Variants in GPC3 observed in about 807,000 individuals in gnomAD.
GPC3 encodes the protein glypican-3.
GPC3 carries 3 observed loss-of-function variants against 34.4 expected under a neutral mutation model. That is an observed-to-expected ratio of 0.09 (90% CI 0.04 to 0.23). The LOEUF is 0.23. Among genes scored for constraint, GPC3 ranks in the 10% least tolerant of loss-of-function variants. The pLI is 1.00. For synonymous variants in GPC3, 177 were observed against 174.0 expected (o/e 1.02, Z -0.13); for missense variants, 351 against 445.6 (o/e 0.79, Z 1.91).
chrX:133,872,325 G>C (rs1055161547), intron 2 of GPC3, among the ~76,000 whole-genome samples: 1 of 111,226 alleles, frequency 9.0e-6, no homozygotes, highest in African/African-American at 3.3e-5. Flanking sequence ...TCTTGTAGAA[G>C]AAAGCTGGTT....
chrX:133,880,062 C>T (rs2076034989), intron 2 of GPC3, among the ~76,000 whole-genome samples: 1 of 111,322 alleles, frequency 9.0e-6, no homozygotes. Context: ...TCTTGTATCC[C>T]AATGTTTATG....
chrX:133,554,881 A>G (rs1016741116), intron 7 of GPC3, among the ~76,000 whole-genome samples: 3 of 111,350 alleles, frequency 2.7e-5, no homozygotes, highest in Non-Finnish European at 5.6e-5. Context: ...TAGAAGTAAA[A>G]ATTGCCTTGC....
At chrX:133,937,695 T>C (rs190175630) in intron 2 of GPC3, among the ~76,000 whole-genome samples, 16 of 112,116 alleles carry the variant, frequency 1.4e-4, no homozygotes, top group African/African-American at 4.8e-4. Flanking sequence ...TTATCAGAAC[T>C]TAGTAACTTC....
chrX:133,908,610 C>A (rs1471007560), intron 2 of GPC3, among the ~76,000 whole-genome samples: 1 of 111,875 alleles, frequency 8.9e-6, no homozygotes, highest in African/African-American at 3.2e-5. Flanking sequence ...TGGTCACTAT[C>A]TTCTGGATAC....
intron 3 of GPC3, among the ~76,000 whole-genome samples, chrX:133,708,504 T>C (rs2071236694): frequency 9.0e-6 from 1 of 111,585 alleles, no homozygotes; most frequent in Non-Finnish European, 1.9e-5. Flanking sequence ...TTTTTGTATA[T>C]TGTGTGATGT....
chrX:133,592,647 T>C (rs907000645), intron 7 of GPC3, among the ~76,000 whole-genome samples: 2 of 111,297 alleles, frequency 1.8e-5, no homozygotes, highest in Non-Finnish European at 3.8e-5. Context: ...CTGGCAGAAT[T>C]CATTTTAGTA....
chrX:133,817,301 C>T (rs749948022), intron 2 of GPC3, among the ~76,000 whole-genome samples: 1 of 111,921 alleles, frequency 8.9e-6, no homozygotes, highest in East Asian at 2.8e-4. Context: ...AGCATCCTTG[C>T]TTGCTAACCC....
At chrX:133,543,265 C>T (rs183624531) in intron 7 of GPC3, among the ~76,000 whole-genome samples, 5 of 111,189 alleles carry the variant, frequency 4.5e-5, no homozygotes, top group Admixed American at 9.6e-5. Flanking sequence ...ATTACAAATA[C>T]ATACCACCAC....
At chrX:133,932,619 C>A (rs1481683368) in intron 2 of GPC3, among the ~76,000 whole-genome samples, 1 of 111,668 alleles carries the variant, frequency 9.0e-6, no homozygotes, top group Non-Finnish European at 1.9e-5. Context: ...TTTGTTCAGA[C>A]TGGGATTTTT....
chrX:133,774,980 A>G (rs770823255), intron 2 of GPC3, among the ~76,000 whole-genome samples: 5 of 111,750 alleles, frequency 4.5e-5, no homozygotes, highest in Middle Eastern at 4.6e-3. Context: ...CATGACTGAC[A>G]GCCCATGGCT....
chrX:133,597,215 G>A (rs1430212206), intron 6 of GPC3, among the ~76,000 whole-genome samples: 1 of 111,620 alleles, frequency 9.0e-6, no homozygotes, highest in African/African-American at 3.3e-5. Context: ...TGCACACTAA[G>A]AGACATGTTT....
chrX:133,705,911 C>T (rs2071211952), intron 3 of GPC3, among the ~76,000 whole-genome samples: 1 of 112,183 alleles, frequency 8.9e-6, no homozygotes, highest in African/African-American at 3.2e-5. Context: ...AGTAACCATA[C>T]GAAAGCACTG....
chrX:133,834,349 G>A (rs967499931), intron 2 of GPC3, among the ~76,000 whole-genome samples: 2 of 111,853 alleles, frequency 1.8e-5, no homozygotes, highest in East Asian at 2.8e-4. Flanking sequence ...GCAGATTCAC[G>A]TAAGGTGCTC....
intron 7 of GPC3, among the ~76,000 whole-genome samples, chrX:133,595,563 C>A (rs1255467108): frequency 1.8e-5 from 2 of 111,261 alleles, no homozygotes; most frequent in Non-Finnish European, 3.8e-5. Flanking sequence ...CAGACTCTGG[C>A]TCTGTCTCCC....
At chrX:133,667,852 C>T (rs1456296771) in intron 5 of GPC3, among the ~76,000 whole-genome samples, 1 of 107,471 alleles carries the variant, frequency 9.3e-6, no homozygotes, top group Non-Finnish European at 1.9e-5. Context: ...GTGAAACCTT[C>T]TCTCTCTTGC....
chrX:133,599,873 T>C (rs1425262798), intron 6 of GPC3, among the ~76,000 whole-genome samples: 1 of 111,761 alleles, frequency 8.9e-6, no homozygotes, highest in Non-Finnish European at 1.9e-5. Context: ...TCATTGAGAA[T>C]GTACTATGAG....
At chrX:133,781,026 A>G (rs1197188284) in intron 2 of GPC3, among the ~76,000 whole-genome samples, 1 of 111,867 alleles carries the variant, frequency 8.9e-6, no homozygotes, top group Non-Finnish European at 1.9e-5. Flanking sequence ...ATTATTTCAG[A>G]AATGATGTTC....
At chrX:133,818,069 T>C (rs995498518) in intron 2 of GPC3, among the ~76,000 whole-genome samples, 6 of 111,647 alleles carry the variant, frequency 5.4e-5, no homozygotes, top group Non-Finnish European at 1.1e-4. Flanking sequence ...TTTGATCAGC[T>C]ATCATTGGAT....
intron 7 of GPC3, chrX:133,596,237 A>G (rs759637611): frequency 1.1e-4 from 47 of 445,668 alleles, no homozygotes; most frequent in Non-Finnish European, 1.8e-4. Flanking sequence ...TTAATCTACC[A>G]AAGGTTGGAA....
Sources: gnomAD v4.1 joint callset for allele counts (sites outside exome capture counted in the v4.1 genomes callset) on GRCh38, gnomAD v4.1.1 for gene constraint, MANE v1.5 for transcripts, NCBI Gene and HGNC (gene_info 2026-07-23, HGNC 2026-07-21) for gene names.